ATXN7: variants seen among roughly 807,000 people sequenced by gnomAD.
ATXN7 encodes ataxin-7.
A neutral mutation model predicts 70.5 loss-of-function variants in ATXN7; 12 were observed. The ratio of observed to expected loss-of-function variants is 0.17; its 90% CI spans 0.11 to 0.28. ATXN7 has a LOEUF of 0.28. Ranked by LOEUF, ATXN7 falls within the 10% of genes least tolerant of loss-of-function variation. ATXN7 has a pLI of 1.00. For synonymous variants in ATXN7, 498 were observed against 448.7 expected (o/e 1.11, Z -1.39); for missense variants, 1,256 against 1,131.7 (o/e 1.11, Z -1.58).
At chr3:63,913,480 C>T (rs915030065) in intron 4 of ATXN7, among the ~76,000 whole-genome samples, 6 of 152,102 alleles carry the variant, frequency 3.9e-5, no homozygotes, top group African/African-American at 7.2e-5. Context: ...TGGGAACCGG[C>T]GGGAAGTTTA....
intron 2 of ATXN7, among the ~76,000 whole-genome samples, chr3:63,910,268 T>C (rs1233388819): frequency 6.6e-6 from 1 of 152,234 alleles, no homozygotes; most frequent in Admixed American, 6.5e-5. Context: ...TTTGCCATTC[T>C]CCTTATTTTT....
intron 2 of ATXN7, among the ~76,000 whole-genome samples, chr3:63,909,782 C>G (rs1364183411): frequency 6.6e-6 from 1 of 152,098 alleles, no homozygotes; most frequent in Non-Finnish European, 1.5e-5. Context: ...CAAAAGAGAA[C>G]TGGTTGAAGA....
At chr3:63,922,201 G>A (rs115445417) in intron 4 of ATXN7, among the ~76,000 whole-genome samples, 3,442 of 151,806 alleles carry the variant, frequency 0.023, 115 homozygotes, top group East Asian at 0.14. Context: ...TACCATGCCC[G>A]GCTAATTTTT....
intron 3 of ATXN7, 113 bp downstream of exon 3, chr3:63,913,036 T>C (rs1704117355): frequency 1.1e-5 from 14 of 1,247,370 alleles, no homozygotes; most frequent in Non-Finnish European, 1.4e-5. Context: ...AGAGATGCTA[T>C]CGTTTGCTGG....
In ATXN7 at chr3:63,913,191, G is replaced by T; in HGVS notation, c.360G>T (p.Gly120=). The T allele has an allele frequency of 6.2e-7, 1 of 1,613,930 alleles. No individual in the cohort carries two copies. The highest frequency in any genetic ancestry group is 8.5e-7 in the Non-Finnish European group (1 of 1,179,972). The change falls in exon 4 of 13, where the codon GGG becomes GGT. Residue 120 remains glycine (G), a synonymous_variant. Transcript: ENST00000674280. ...TELDESFKEF[G]KNREVMGLCR... ...TGGACGAAAGTTTCAAGGAGTTTGG[G>T]AAAAACCGCGAAGTCATGGGGCTCT...
rs528719160 is a variant in ATXN7, at chr3:63,873,038, G to A, written c.-111+8880G>A. 2.0e-3 allele frequency among the ~76,000 whole-genome samples: 297 copies of A among 152,208 alleles called. 1 individual carries two copies. Among genetic ancestry groups the A allele is most frequent in the African/African-American group, 6.7e-3 (278 of 41,526 alleles). On this transcript the variant is annotated intron_variant, in intron 1 of 12. Transcript: ENST00000674280. ...GAGGAAGGGTGGGAAGTGGGAGGAA[G>A]CGTAGTTTTTAAAATCTCAAAATCC...
Position 63,863,978 on chromosome 3 carries a change from C to T in ATXN7, c.-291C>T. ...GCCGCCGCCGCCGCCGCCGCCGCCG[C>T]GGGACCCGCGCTCCCCGCGCTCCCG... On this transcript the variant is annotated 5_prime_UTR_variant, in exon 1 of 13. Transcript: ENST00000674280. The T allele has an allele frequency of 1.0e-5, 1 of 98,874 alleles. No homozygotes were observed. The allele number at this position is 98,874 out of a possible 1,614,324, so 6.1% of individuals were successfully genotyped here.
intron 1 of ATXN7, among the ~76,000 whole-genome samples, chr3:63,890,986 T>A (rs939576593): frequency 1.3e-5 from 2 of 152,012 alleles, no homozygotes; most frequent in Admixed American, 1.3e-4. Context: ...AACATTTCTT[T>A]TTTTATTTTA....
At chr3:63,898,014 A>C (rs1317817291) in intron 1 of ATXN7, among the ~76,000 whole-genome samples, 5 of 152,190 alleles carry the variant, frequency 3.3e-5, no homozygotes, top group Admixed American at 2.6e-4. Context: ...CCAGATAATA[A>C]TCTCATTCAA....
Position 63,990,727 on chromosome 3 carries a change from T to C in ATXN7, c.1561-11T>C. ...GAGTCAGCAAGCACGCGGCTATGTT[T>C]TCTCTTGCAGTTTTGCACATTTGGG... On this transcript the variant is annotated splice_polypyrimidine_tract_variant and intron_variant, in intron 10 of 12. Transcript: ENST00000674280. 1.2e-6 allele frequency: 2 copies of C among 1,614,142 alleles called. No homozygotes were observed. The highest frequency in any genetic ancestry group is 1.7e-6 in the Non-Finnish European group (2 of 1,180,006).
chr3:63,903,724 G>A (rs1703736098), intron 2 of ATXN7: 1 of 152,160 alleles, frequency 6.6e-6, no homozygotes, highest in Admixed American at 6.5e-5. Context: ...CTGAGGTACA[G>A]ATGAAAAAAT....
chr3:63,973,572 C>T (rs962239410), intron 5 of ATXN7, among the ~76,000 whole-genome samples: 5 of 152,152 alleles, frequency 3.3e-5, no homozygotes, highest in African/African-American at 1.2e-4. Flanking sequence ...GCCAGTGATA[C>T]GCCCTGCTTG....
intron 8 of ATXN7, among the ~76,000 whole-genome samples, chr3:63,984,804 G>A (rs1369212864): frequency 2.0e-5 from 3 of 152,156 alleles, no homozygotes; most frequent in Middle Eastern, 3.2e-3. Context: ...CCCTTCAGCC[G>A]CTGGCAGCCA....
At chr3:63,921,797 A>G (rs1704521261) in intron 4 of ATXN7, among the ~76,000 whole-genome samples, 1 of 152,326 alleles carries the variant, frequency 6.6e-6, no homozygotes, top group South Asian at 2.1e-4. Flanking sequence ...TAAAATGAGA[A>G]TAATGCTAGT....
chr3:63,985,005 A>T (rs181912969), intron 8 of ATXN7, among the ~76,000 whole-genome samples: 14 of 152,292 alleles, frequency 9.2e-5, no homozygotes, highest in Middle Eastern at 6.8e-3. Context: ...GTATGTATAT[A>T]CTATGTTGTC....
intron 4 of ATXN7, among the ~76,000 whole-genome samples, chr3:63,928,700 T>C (rs906894822): frequency 5.9e-5 from 9 of 152,206 alleles, no homozygotes; most frequent in Non-Finnish European, 1.2e-4. Flanking sequence ...AAGCTGCGAT[T>C]CCTGGTCTGG....
intron 5 of ATXN7, among the ~76,000 whole-genome samples, chr3:63,957,979 G>T (rs1026750201): frequency 1.3e-5 from 2 of 152,170 alleles, no homozygotes; most frequent in African/African-American, 4.8e-5. Context: ...TATCGATAAT[G>T]TTATATATTG....
At chr3:63,870,433 T>C (rs1702561372) in intron 1 of ATXN7, among the ~76,000 whole-genome samples, 1 of 152,172 alleles carries the variant, frequency 6.6e-6, no homozygotes, top group Admixed American at 6.5e-5. Flanking sequence ...CACACACTGC[T>C]GTTTTATTTA....
chr3:63,979,725 C>T (rs1036716214), intron 5 of ATXN7, among the ~76,000 whole-genome samples, 190 bp from the exon 6 acceptor site: 2 of 152,126 alleles, frequency 1.3e-5, no homozygotes, highest in African/African-American at 4.8e-5. Context: ...AGAGAAGGAC[C>T]CGTTCCTAGA....
Sources: allele counts gnomAD v4.1 joint callset (sites outside exome capture counted in the v4.1 genomes callset), GRCh38; gene constraint gnomAD v4.1.1; transcripts MANE v1.5; gene names NCBI Gene and HGNC (gene_info 2026-07-23, HGNC 2026-07-21).